Variants in DNAJC27 observed in about 807,000 individuals in gnomAD.
DNAJC27 encodes DnaJ heat shock protein family (Hsp40) member C27, also known as dnaJ homolog subfamily C member 27.
In DNAJC27, 25 loss-of-function variants were observed where a neutral mutation model predicts 31.4. The ratio of observed to expected loss-of-function variants is 0.80; its 90% CI spans 0.58 to 1.11. The LOEUF (loss-of-function observed/expected upper bound fraction) is 1.11, where lower values mean the gene tolerates loss of function less well. Among genes scored for constraint, DNAJC27 ranks in the 50% most tolerant of loss-of-function variants. The pLI is 0.00. For synonymous variants in DNAJC27, 106 were observed against 112.7 expected (o/e 0.94, Z 0.37); for missense variants, 356 against 347.3 (o/e 1.02, Z -0.20).
chr2:24,964,191 T>C (rs985056954), intron 2 of DNAJC27, among the ~76,000 whole-genome samples: 10 of 151,972 alleles, frequency 6.6e-5, no homozygotes, highest in Non-Finnish European at 1.2e-4. Context: ...GAGGCCGAGA[T>C]GGGCGGATCA....
In DNAJC27 at chr2:24,946,991, C is replaced by T. The variant is rs1665665750; in HGVS notation, c.*625G>A. On this transcript the variant is annotated 3_prime_UTR_variant, in exon 7 of 7. Transcript: ENST00000264711. Reference sequence around the variant, plus strand: ...ACCTTTTCTCTTAGGACTGGCTTGTCTCTCCCACTGGTGGCTGCAGAAGAG... The same window carrying T: ...ACCTTTTCTCTTAGGACTGGCTTGTTTCTCCCACTGGTGGCTGCAGAAGAG... The T allele has an allele frequency of 6.6e-6, 1 of 152,332 alleles. No homozygotes were observed. The highest frequency in any genetic ancestry group is 6.5e-5 in the Admixed American group (1 of 15,296). The allele number at this position is 152,332 out of a possible 1,614,324, so 9.4% of individuals were successfully genotyped here. A position where few individuals can be genotyped will look rare whatever the true frequency, so the allele number is the denominator to read the frequency against.
intron 2 of DNAJC27, among the ~76,000 whole-genome samples, chr2:24,966,236 G>T (rs1335475824): frequency 1.3e-5 from 2 of 152,160 alleles, no homozygotes; most frequent in Non-Finnish European, 2.9e-5. Flanking sequence ...AGTTCAGCAT[G>T]GATGGAAAGT....
At chr2:24,952,261 A>G (rs941121311) in intron 5 of DNAJC27, among the ~76,000 whole-genome samples, 4 of 152,168 alleles carry the variant, frequency 2.6e-5, no homozygotes, top group Admixed American at 6.5e-5. Context: ...ATTTTTTTTG[A>G]GCATCCTTCC....
At chr2:24,953,402 T>G (rs1665829854) in intron 5 of DNAJC27, 1 of 153,300 alleles carries the variant, frequency 6.5e-6, no homozygotes, top group African/African-American at 2.4e-5. Flanking sequence ...GGCTTTAGTC[T>G]GTCTTAATAT....
chr2:24,945,960 C>T lies in DNAJC27; in HGVS notation c.*1656G>A, dbSNP rs1000824382. On this transcript the variant is annotated 3_prime_UTR_variant, in exon 7 of 7. Coordinates refer to ENST00000264711, the MANE Select transcript of DNAJC27 (RefSeq NM_016544.3). ...CGATATGGGATAGCTTTTTAAAATTCACAGGACAGGAAGATTTTATATACT... is the reference window on the plus strand; with the variant it reads ...CGATATGGGATAGCTTTTTAAAATTTACAGGACAGGAAGATTTTATATACT... 5.3e-5 allele frequency: 8 copies of T among 152,088 alleles called. No individual in the cohort carries two copies. The highest frequency in any genetic ancestry group is 2.0e-4 in the Admixed American group (3 of 15,262). 9.4% of individuals were successfully genotyped at this position (152,088 alleles called of 1,614,324 possible).
intron 6 of DNAJC27, among the ~76,000 whole-genome samples, chr2:24,948,926 G>A (rs747181248): frequency 1.3e-5 from 2 of 152,056 alleles, no homozygotes; most frequent in Non-Finnish European, 2.9e-5. Flanking sequence ...TATTTTTATC[G>A]AAGGATTTCT....
chr2:24,962,632 A>G (rs1419757881), intron 3 of DNAJC27, among the ~76,000 whole-genome samples: 1 of 152,254 alleles, frequency 6.6e-6, no homozygotes, highest in Non-Finnish European at 1.5e-5. Flanking sequence ...ATTGAACTGA[A>G]TGAAAATGAA....
Position 24,945,298 on chromosome 2 carries a change from T to C in DNAJC27, c.*2318A>G, listed in dbSNP as rs1387413367. 1.3e-5 allele frequency: 2 copies of C among 152,186 alleles called. No homozygotes were observed. Among genetic ancestry groups the C allele is most frequent in the South Asian group, 4.1e-4 (2 of 4,828 alleles). The allele number at this position is 152,186 out of a possible 1,614,324, so 9.4% of individuals were successfully genotyped here. A position where few individuals can be genotyped will look rare whatever the true frequency, so the allele number is the denominator to read the frequency against. ...ATTCTTAACATTAATAATGAAGGTG[T>C]TGGAAACTGAGTCTCAAGACCTAAG... On this transcript the variant is annotated 3_prime_UTR_variant, in exon 7 of 7. Coordinates refer to ENST00000264711, the MANE Select transcript of DNAJC27 (RefSeq NM_016544.3).
intron 5 of DNAJC27, among the ~76,000 whole-genome samples, chr2:24,951,852 T>C (rs1215935513): frequency 6.6e-6 from 1 of 152,194 alleles, no homozygotes; most frequent in Non-Finnish European, 1.5e-5. Context: ...CTCACACCTG[T>C]AATCCCAGCA....
At chr2:24,965,416 C>T (rs958406733) in intron 2 of DNAJC27, among the ~76,000 whole-genome samples, 3 of 151,630 alleles carry the variant, frequency 2.0e-5, no homozygotes, top group Non-Finnish European at 4.4e-5. Flanking sequence ...CCACCACGTC[C>T]GGCTAATTTT....
intron 3 of DNAJC27, among the ~76,000 whole-genome samples, chr2:24,960,259 A>G (rs1466552746): frequency 2.6e-5 from 4 of 152,220 alleles, no homozygotes; most frequent in Non-Finnish European, 1.5e-5. Context: ...TTGGGATACC[A>G]TGAACATATA....
rs780797456 is a variant in DNAJC27 at position 24,951,460 on chromosome 2, G to A, written c.623C>T (p.Ala208Val). ...TTTACTATTTCGAATTCTGCGAATGGCATCTGCTTGTTCTTTGGTGAAACT... is the reference window on the plus strand; with the variant it reads ...TTTACTATTTCGAATTCTGCGAATGACATCTGCTTGTTCTTTGGTGAAACT... The part of the protein sequence containing the change: ...SASFTKEQAD[A>V]IRRIRNSKDS... The change falls in exon 6 of 7, where the codon GCC becomes GTC. Residue 208 changes from alanine (A) to valine (V), a missense_variant. Ala to Val is a moderately conservative substitution (Grantham distance 64). Transcript: ENST00000264711. The A allele has an allele frequency of 1.2e-6, 2 of 1,613,840 alleles. No individual in the cohort carries two copies. The highest frequency in any genetic ancestry group is 2.2e-5 in the South Asian group (2 of 90,994).
intron 5 of DNAJC27, among the ~76,000 whole-genome samples, chr2:24,952,852 G>T (rs965742073): frequency 2.6e-5 from 4 of 151,984 alleles, no homozygotes; most frequent in Non-Finnish European, 5.9e-5. Context: ...AGTGAAAGTG[G>T]GTATCTTTCC....
chr2:24,952,102 A>T (rs1461176711), intron 5 of DNAJC27, among the ~76,000 whole-genome samples: 6 of 152,238 alleles, frequency 3.9e-5, no homozygotes, highest in Non-Finnish European at 8.8e-5. Flanking sequence ...TGACAGAGCC[A>T]GACCCTGTCT....
chr2:24,958,093 A>G (rs1361262860), intron 3 of DNAJC27, 119 bp from the exon 4 acceptor site: 1 of 908,492 alleles, frequency 1.1e-6, no homozygotes, highest in African/African-American at 1.7e-5. Flanking sequence ...TTGCTATTGT[A>G]TCTGTTTCTA....
At chr2:24,950,250 G>C (rs1023882366) in intron 6 of DNAJC27, among the ~76,000 whole-genome samples, 16 of 152,150 alleles carry the variant, frequency 1.1e-4, no homozygotes, top group Non-Finnish European at 1.2e-4. Context: ...TGGACTTGAA[G>C]ATACGCTGTG....
chr2:24,953,487 G>A (rs1665831387), intron 5 of DNAJC27: 1 of 185,702 alleles, frequency 5.4e-6, no homozygotes, highest in South Asian at 1.9e-4. Context: ...TTAAGTAGAT[G>A]GGAAATAAAG....
At chr2:24,970,996 G>A (rs1256272962) in intron 1 of DNAJC27, among the ~76,000 whole-genome samples, 2 of 152,248 alleles carry the variant, frequency 1.3e-5, no homozygotes, top group Non-Finnish European at 2.9e-5. Flanking sequence ...GAGCACCGCA[G>A]TGGGAATGTG....
intron 3 of DNAJC27, among the ~76,000 whole-genome samples, chr2:24,959,804 CTA>C (rs1558553926): frequency 6.6e-6 from 1 of 152,220 alleles, no homozygotes. Context: ...AATGTAATCT[CTA>C]TGTCCCCTGG....
Sources: gnomAD v4.1 joint callset for allele counts (sites outside exome capture counted in the v4.1 genomes callset) on GRCh38, gnomAD v4.1.1 for gene constraint, MANE v1.5 for transcripts, NCBI Gene and HGNC (gene_info 2026-07-23, HGNC 2026-07-21) for gene names.